The following TBK1 variants were observed in gnomAD, a reference collection of about 807,000 sequenced individuals.
TBK1 encodes TANK binding kinase 1, also known as serine/threonine-protein kinase TBK1.
A neutral mutation model predicts 99.9 loss-of-function variants in TBK1; 37 were observed. That is an observed-to-expected ratio of 0.37 (90% confidence interval 0.28 to 0.49). The LOEUF (loss-of-function observed/expected upper bound fraction) is 0.49, where lower values mean the gene tolerates loss of function less well. Among genes scored for constraint, TBK1 ranks in the 20% least tolerant of loss-of-function variants. The pLI is 0.98. For missense variants in TBK1, 644 were observed against 872.5 expected, an observed-to-expected ratio of 0.74 and a Z score of 3.30; for synonymous variants, 258 against 279.8, an observed-to-expected ratio of 0.92 and a Z score of 0.78.
intron 5 of TBK1, among the ~76,000 whole-genome samples, chr12:64,473,877 C>T (rs901578891): frequency 6.6e-6 from 1 of 152,054 alleles, no homozygotes; most frequent in African/African-American, 2.4e-5. Flanking sequence ...GCAGAGGTTG[C>T]AGTGAGCCGA....
chr12:64,495,960 C>T, intron 15 of TBK1, 185 bp downstream of exon 15: 1 of 528,746 alleles, frequency 1.9e-6, no homozygotes. Flanking sequence ...TTAAAATCAA[C>T]CTTTTGAATA....
At chr12:64,452,641 A>G (rs555343892) in intron 1 of TBK1, 2 of 152,250 alleles carry the variant, frequency 1.3e-5, no homozygotes, top group African/African-American at 4.8e-5. Context: ...TTTTAAATGT[A>G]TTGATTTTTC....
In TBK1 at chr12:64,500,720, TC is replaced by T. The variant is rs370875560; in HGVS notation, c.2139-608del. On this transcript the variant is annotated intron_variant, in intron 20 of 20. Coordinates refer to ENST00000331710, the MANE Select transcript of TBK1 (RefSeq NM_013254.4). ...TCTAGCAAGGTCTCATTTCTCAACTTCCTTTGGGTATGTCACACTCCCAACT... is the reference window on the plus strand; with the variant it reads ...TCTAGCAAGGTCTCATTTCTCAACTTCTTTGGGTATGTCACACTCCCAACT... Among the ~76,000 whole-genome samples the T allele has an allele frequency of 8.4e-3, 1,272 of 150,802 alleles. 10 individuals carry two copies. The highest frequency in any genetic ancestry group is 0.014 in the Non-Finnish European group (980 of 67,780).
chr12:64,461,495 T>G (rs1194555178), intron 3 of TBK1, among the ~76,000 whole-genome samples: 3 of 152,238 alleles, frequency 2.0e-5, no homozygotes, highest in African/African-American at 7.2e-5. Flanking sequence ...ATCAGAAATA[T>G]AATTTTATGC....
At chr12:64,456,788 G>A (rs1046483195) in intron 2 of TBK1, among the ~76,000 whole-genome samples, 2 of 149,542 alleles carry the variant, frequency 1.3e-5, no homozygotes, top group African/African-American at 5.0e-5. Context: ...GCTGCAGTGA[G>A]CCAAGATAGC....
At chr12:64,482,065 A>G (rs745988026) in intron 8 of TBK1, 44 bp downstream of exon 8, 9 of 1,277,234 alleles carry the variant, frequency 7.0e-6, no homozygotes, top group Middle Eastern at 2.5e-4. Context: ...GTTCTGTTAT[A>G]TAATATTTTC....
intron 3 of TBK1, among the ~76,000 whole-genome samples, chr12:64,461,712 T>C (rs1282103793): frequency 6.6e-6 from 1 of 152,186 alleles, no homozygotes; most frequent in African/African-American, 2.4e-5. Context: ...TCCCACAAGA[T>C]TACCCTCACA....
At chr12:64,472,184 T>G (rs931531736) in intron 5 of TBK1, among the ~76,000 whole-genome samples, 10 of 151,674 alleles carry the variant, frequency 6.6e-5, no homozygotes. Context: ...GTTCTTATAC[T>G]TGTCTGCATT....
At chr12:64,461,823 AC>A (rs1356677165) in intron 3 of TBK1, among the ~76,000 whole-genome samples, 1 of 152,140 alleles carries the variant, frequency 6.6e-6, no homozygotes, top group Non-Finnish European at 1.5e-5. Context: ...AGAGTGCTAT[AC>A]TTATAATTAC....
At chr12:64,481,513 T>C (rs544495360) in intron 7 of TBK1, among the ~76,000 whole-genome samples, 1 of 152,152 alleles carries the variant, frequency 6.6e-6, no homozygotes, top group Non-Finnish European at 1.5e-5. Context: ...TCCCACCTGC[T>C]CAGGAAGCTG....
intron 12 of TBK1, among the ~76,000 whole-genome samples, chr12:64,489,304 T>C (rs1205676854): frequency 6.6e-6 from 1 of 152,254 alleles, no homozygotes; most frequent in Non-Finnish European, 1.5e-5. Flanking sequence ...ATCTTATTCC[T>C]GAGAACACGT....
Position 64,490,762 on chromosome 12 carries a change from AC to A in TBK1, c.1521+647del. ...AGACCAGCCTGGCCAACATGGTGAA[AC>A]CCCGTGTCATTAGCTGCGTGTGGTG... On this transcript the variant is annotated intron_variant, in intron 13 of 20. Coordinates refer to ENST00000331710, the MANE Select transcript of TBK1 (RefSeq NM_013254.4). 2.0e-5 allele frequency among the ~76,000 whole-genome samples: 3 copies of A among 151,384 alleles called. No individual in the cohort carries two copies. The South Asian group carries it at 6.3e-4, about 32-fold the overall frequency.
At chr12:64,452,738 A>T (rs887928788) in intron 1 of TBK1, 6 of 152,226 alleles carry the variant, frequency 3.9e-5, no homozygotes, top group Non-Finnish European at 8.8e-5. Flanking sequence ...GAAGCATAAG[A>T]TGTTTTAAAT....
intron 6 of TBK1, among the ~76,000 whole-genome samples, chr12:64,475,715 A>G (rs531848122): frequency 2.6e-5 from 4 of 152,244 alleles, no homozygotes; most frequent in Non-Finnish European, 5.9e-5. Context: ...TTATGGCTGC[A>G]TAGTATTCTA....
intron 13 of TBK1, among the ~76,000 whole-genome samples, chr12:64,493,145 C>T (rs1347365813): frequency 1.3e-5 from 2 of 151,356 alleles, no homozygotes; most frequent in East Asian, 2.0e-4. Context: ...CTGCCCACGT[C>T]GGCCTCCCAA....
intron 8 of TBK1, among the ~76,000 whole-genome samples, chr12:64,482,477 G>A (rs1031318486): frequency 1.3e-5 from 2 of 151,854 alleles, no homozygotes; most frequent in Non-Finnish European, 2.9e-5. Flanking sequence ...ACCTGGCTCC[G>A]GAAAAATAAT....
chr12:64,486,310 T>G (rs1207016765), intron 11 of TBK1, among the ~76,000 whole-genome samples: 1 of 152,222 alleles, frequency 6.6e-6, no homozygotes, highest in Non-Finnish European at 1.5e-5. Flanking sequence ...TTTAACTATG[T>G]TAGAAGTCTT....
chr12:64,469,333 A>G (rs1457914673), intron 5 of TBK1, among the ~76,000 whole-genome samples: 1 of 151,882 alleles, frequency 6.6e-6, no homozygotes, highest in Non-Finnish European at 1.5e-5. Flanking sequence ...GCCTACCGAG[A>G]ACACCAAGCA....
chr12:64,495,276 C>G, intron 13 of TBK1: 1 of 483,376 alleles, frequency 2.1e-6, no homozygotes, highest in Non-Finnish European at 3.6e-6. Flanking sequence ...TGTATTACTG[C>G]TGGTCTCATG....
Sources: allele counts gnomAD v4.1 joint callset (sites outside exome capture counted in the v4.1 genomes callset), GRCh38; gene constraint gnomAD v4.1.1; transcripts MANE v1.5; gene names NCBI Gene and HGNC (gene_info 2026-07-23, HGNC 2026-07-21).